Variants in C3orf20 observed in about 807,000 individuals in gnomAD.
C3orf20 encodes family with sequence similarity 149 member C.
In C3orf20, 76 loss-of-function variants were observed where a neutral mutation model predicts 88.3. The ratio of observed to expected loss-of-function variants is 0.86; its 90% CI spans 0.72 to 1.04. The LOEUF is 1.04. Ranked by LOEUF, C3orf20 falls within the 50% of genes least tolerant of loss-of-function variation. The pLI is 0.00. For synonymous variants in C3orf20, 436 were observed against 437.4 expected (o/e 1.00, Z 0.04); for missense variants, 1,056 against 1,123.3 (o/e 0.94, Z 0.86).
intron 7 of C3orf20, among the ~76,000 whole-genome samples, chr3:14,711,321 A>G (rs1297108663): frequency 6.6e-6 from 1 of 152,130 alleles, no homozygotes. Context: ...CAGTTTTTAA[A>G]TTTATATATA....
chr3:14,739,654 T>A (rs893426345), intron 12 of C3orf20, among the ~76,000 whole-genome samples: 1 of 152,238 alleles, frequency 6.6e-6, no homozygotes, highest in South Asian at 2.1e-4. Context: ...AAGTCCTAGG[T>A]GGCATCTTCT....
At chr3:14,725,546 G>A (rs1287820511) in intron 10 of C3orf20, among the ~76,000 whole-genome samples, 1 of 152,200 alleles carries the variant, frequency 6.6e-6, no homozygotes, top group Non-Finnish European at 1.5e-5. Context: ...CTTTTTGGAA[G>A]CAGGCTGAGT....
At chr3:14,692,157 C>T (rs1388930137) in intron 5 of C3orf20, among the ~76,000 whole-genome samples, 2 of 152,216 alleles carry the variant, frequency 1.3e-5, no homozygotes, top group Admixed American at 1.3e-4. Context: ...TTGATTGACA[C>T]TTAGATTGCT....
chr3:14,716,538 C>T (rs1363613502), intron 9 of C3orf20, among the ~76,000 whole-genome samples: 1 of 152,170 alleles, frequency 6.6e-6, no homozygotes, highest in Non-Finnish European at 1.5e-5. Flanking sequence ...CCTCAGACCA[C>T]ACCTCTGCTT....
intron 9 of C3orf20, among the ~76,000 whole-genome samples, chr3:14,720,345 G>C (rs1186266129): frequency 6.6e-6 from 1 of 152,188 alleles, no homozygotes; most frequent in Admixed American, 6.5e-5. Context: ...TTTCTTTTAA[G>C]TGAGAGTGAT....
intron 15 of C3orf20, among the ~76,000 whole-genome samples, chr3:14,771,812 C>T (rs2035865120): frequency 6.6e-6 from 1 of 152,236 alleles, no homozygotes; most frequent in African/African-American, 2.4e-5. Context: ...CCACCGCAGG[C>T]ATTTGCTATG....
At chr3:14,734,635 T>C (rs747996517) in intron 12 of C3orf20, among the ~76,000 whole-genome samples, 50 of 152,310 alleles carry the variant, frequency 3.3e-4, no homozygotes, top group African/African-American at 1.2e-3. Flanking sequence ...AAATGTTTCA[T>C]GTGGAGCTAA....
At chr3:14,680,265 A>G (rs1378209925) in intron 1 of C3orf20, among the ~76,000 whole-genome samples, 2 of 152,266 alleles carry the variant, frequency 1.3e-5, no homozygotes, top group East Asian at 3.8e-4. Context: ...CCCATTAACA[A>G]ATGAGTGGAT....
In C3orf20 at chr3:14,714,095, T is replaced by C. The variant is rs1236092078; in HGVS notation, c.1249T>C (p.Phe417Leu). The C allele has an allele frequency of 6.2e-7, 1 of 1,614,096 alleles. No individual in the cohort carries two copies. Among genetic ancestry groups the C allele is most frequent in the South Asian group, 1.1e-5 (1 of 91,082 alleles). The stretch of plus-strand genomic sequence containing the variant: ...CTGCCTCTTTAATGACATACCTGGA[T>C]TCTCCTTGCTGGCCCTATTCAATAC... Reference protein sequence around the residue: ...ITCLFNDIPGFSLLALFNTEG... With the variant: ...ITCLFNDIPGLSLLALFNTEG... The change falls in exon 8 of 17, where the codon TTC becomes CTC. Residue 417 changes from phenylalanine (F) to leucine (L), a missense_variant. Physicochemically the swap from Phe to Leu is conservative, Grantham distance 22. Transcript: ENST00000253697.
intron 12 of C3orf20, among the ~76,000 whole-genome samples, chr3:14,733,431 T>C (rs2034603328): frequency 6.6e-6 from 1 of 152,200 alleles, no homozygotes; most frequent in South Asian, 2.1e-4. Flanking sequence ...TTTCTTGCCA[T>C]GTTATGGTCA....
intron 9 of C3orf20, among the ~76,000 whole-genome samples, chr3:14,720,477 C>A (rs1328455100): frequency 1.3e-5 from 2 of 152,112 alleles, no homozygotes; most frequent in Non-Finnish European, 2.9e-5. Flanking sequence ...TAAGCGTAGA[C>A]CCCTGGGCAA....
chr3:14,698,134 A>C (rs9835116), intron 5 of C3orf20, among the ~76,000 whole-genome samples: 101,207 of 151,518 alleles, frequency 0.67, 33,878 homozygotes, highest in Middle Eastern at 0.72. Flanking sequence ...GAATCTCCAC[A>C]CTGTCTTCAA....
chr3:14,712,250 G>A (rs1047498898), intron 7 of C3orf20, among the ~76,000 whole-genome samples: 3 of 151,850 alleles, frequency 2.0e-5, no homozygotes, highest in African/African-American at 7.3e-5. Flanking sequence ...GGCAGAGATT[G>A]AAATGATGCA....
intron 12 of C3orf20, among the ~76,000 whole-genome samples, chr3:14,738,222 C>CAGT (rs2034782013): frequency 7.3e-6 from 1 of 136,672 alleles, no homozygotes; most frequent in Non-Finnish European, 1.5e-5. Flanking sequence ...GGCTGGAGTA[C>CAGT]AGTGGTGCAA....
chr3:14,737,551 T>TA (rs1275474228), intron 12 of C3orf20, among the ~76,000 whole-genome samples: 1 of 152,258 alleles, frequency 6.6e-6, no homozygotes, highest in East Asian at 1.9e-4. Context: ...TTGCTGAAGA[T>TA]ATGCTAATGC....
chr3:14,760,031 G>A (rs1405578006), intron 14 of C3orf20, 33 bp downstream of exon 14: 1 of 1,495,760 alleles, frequency 6.7e-7, no homozygotes, highest in Non-Finnish European at 9.3e-7. Context: ...TCCACTGCCT[G>A]CCACCCCAGC....
At chr3:14,719,100 C>T (rs936572126) in intron 9 of C3orf20, among the ~76,000 whole-genome samples, 2 of 150,366 alleles carry the variant, frequency 1.3e-5, no homozygotes, top group African/African-American at 2.4e-5. Context: ...TGCATTTGTT[C>T]ACTCTTCATA....
At chr3:14,759,551 C>G (rs2035493082) in intron 13 of C3orf20, among the ~76,000 whole-genome samples, 1 of 152,168 alleles carries the variant, frequency 6.6e-6, no homozygotes, top group Admixed American at 6.5e-5. Flanking sequence ...GAACACAGTT[C>G]CCATCTTCAA....
chr3:14,681,391 A>G (rs1321863257), intron 1 of C3orf20, among the ~76,000 whole-genome samples: 1 of 152,246 alleles, frequency 6.6e-6, no homozygotes, highest in Non-Finnish European at 1.5e-5. Flanking sequence ...TTGTCAGGAT[A>G]AAAGGTGGTC....
Sources: gnomAD v4.1 joint callset for allele counts (sites outside exome capture counted in the v4.1 genomes callset) on GRCh38, gnomAD v4.1.1 for gene constraint, MANE v1.5 for transcripts, NCBI Gene and HGNC (gene_info 2026-07-23, HGNC 2026-07-21) for gene names.